Variants in EPM2A observed in about 807,000 individuals in gnomAD.
The protein encoded by EPM2A is laforin.
Under a neutral mutation model 26.5 loss-of-function variants are expected in EPM2A, and 21 were observed. That is an observed-to-expected ratio of 0.79 (90% CI 0.56 to 1.14). The LOEUF (loss-of-function observed/expected upper bound fraction) is 1.14, where lower values mean the gene tolerates loss of function less well. EPM2A is among the 50% of genes most tolerant of loss of function. The probability of loss-of-function intolerance (pLI) is 0.00; values close to 1 mark genes in which losing one functional copy is unlikely to be tolerated. For synonymous variants in EPM2A, 217 were observed against 177.6 expected, an observed-to-expected ratio of 1.22 and a Z score of -1.76; for missense variants, 458 against 440.8, an observed-to-expected ratio of 1.04 and a Z score of -0.35.
At chr6:145,674,116 C>A (rs1779850658) in intron 2 of EPM2A, among the ~76,000 whole-genome samples, 1 of 152,168 alleles carries the variant, frequency 6.6e-6, no homozygotes, top group African/African-American at 2.4e-5. Flanking sequence ...GCAATATTTG[C>A]TATTCTGCAG....
chr6:145,734,153 C>A (rs756764289), intron 1 of EPM2A, among the ~76,000 whole-genome samples: 2 of 152,184 alleles, frequency 1.3e-5, no homozygotes, highest in South Asian at 2.1e-4. Context: ...AAAGGAATTT[C>A]AATTAAGCCA....
intron 2 of EPM2A, among the ~76,000 whole-genome samples, chr6:145,597,932 C>T (rs374723601): frequency 6.6e-6 from 1 of 152,218 alleles, no homozygotes; most frequent in African/African-American, 2.4e-5. Context: ...GCATAGTATT[C>T]CGTGGTATGT....
At chr6:145,424,646 TGG>T (rs1778828906) in intron 4 of EPM2A, among the ~76,000 whole-genome samples, 3 of 152,282 alleles carry the variant, frequency 2.0e-5, no homozygotes, top group African/African-American at 7.2e-5. Flanking sequence ...CCCATTGGGA[TGG>T]TATTAGGAGG....
intron 4 of EPM2A, among the ~76,000 whole-genome samples, chr6:145,437,147 C>T (rs956514592): frequency 6.6e-6 from 1 of 152,018 alleles, no homozygotes; most frequent in Non-Finnish European, 1.5e-5. Flanking sequence ...CATATTTCCC[C>T]CATGCTATTC....
At chr6:145,435,409 TTA>T (rs3063952) in intron 4 of EPM2A, among the ~76,000 whole-genome samples, 7,805 of 126,402 alleles carry the variant, frequency 0.062, 242 homozygotes, top group South Asian at 0.094. Flanking sequence ...AGTGAAGAAT[TTA>T]TATATATATA....
rs76675612 is a variant in EPM2A at position 145,513,502 on chromosome 6, G to T, written c.341-10927C>A. On this transcript the variant is annotated intron_variant, in intron 2 of 3. Coordinates refer to the EPM2A transcript ENST00000450221. ...GAAAATATTATGGCGATATCTCAAAGAACTGAAAATAGAACTATTAGATCC... is the reference window on the plus strand; with the variant it reads ...GAAAATATTATGGCGATATCTCAAATAACTGAAAATAGAACTATTAGATCC... Among the ~76,000 whole-genome samples the T allele has an allele frequency of 2.4e-3, 366 of 152,286 alleles. 5 individuals carry two copies. In the East Asian group the frequency reaches 0.043, roughly 18 times the overall value.
rs538357310 is a variant in EPM2A at position 145,408,305 on chromosome 6, G to T, written c.556-24208C>A. On this transcript the variant is annotated intron_variant, in intron 4 of 4. Transcript: ENST00000638717. ...TGACCAGTAACAGCTGTACTACCCA[G>T]CACCCTTTCTCTTTGGCTTTGATTT... Among the ~76,000 whole-genome samples the T allele has an allele frequency of 4.6e-5, 7 of 152,216 alleles. No homozygotes were observed. The East Asian group carries it at 1.4e-3, about 29-fold the overall frequency.
intron 2 of EPM2A, among the ~76,000 whole-genome samples, chr6:145,604,934 G>A (rs1177800924): frequency 9.2e-5 from 14 of 152,070 alleles, no homozygotes; most frequent in Admixed American, 9.2e-4. Context: ...TAAGGTATGT[G>A]GATGGTTTGC....
chr6:145,661,714 C>T (rs888146268), intron 2 of EPM2A, among the ~76,000 whole-genome samples: 7 of 152,174 alleles, frequency 4.6e-5, no homozygotes, highest in African/African-American at 1.4e-4. Flanking sequence ...TTTTACTCTA[C>T]TTGATTTATC....
Position 145,627,629 on chromosome 6 carries a change from G to C in EPM2A, c.783C>G (p.Ile261Met), listed in dbSNP as rs375918261. The part of the protein sequence containing the change: ...LLHALLEKGH[I>M]VYVHCNAGVG... ...CCCCAGCGTTGCAGTGCACGTACAC[G>C]ATGTGTCCCTTCTCCAGCAGCGCAT... The change falls in exon 4 of 4, where the codon ATC becomes ATG. Residue 261 changes from isoleucine (I) to methionine (M), a missense_variant. Physicochemically the swap from Ile to Met is conservative, Grantham distance 10. Transcript: ENST00000367519. 1 of 1,614,034 alleles carries C rather than the reference G, an allele frequency of 6.2e-7. No homozygotes were observed. The highest frequency in any genetic ancestry group is 1.7e-5 in the Admixed American group (1 of 60,006).
At chr6:145,542,886 G>A (rs184452518) in intron 2 of EPM2A, among the ~76,000 whole-genome samples, 17 of 152,230 alleles carry the variant, frequency 1.1e-4, no homozygotes, top group Admixed American at 6.5e-4. Flanking sequence ...AGCCTCCCGC[G>A]TAGCTGGGAT....
In EPM2A at chr6:145,626,166, G is replaced by C; in HGVS notation, c.*1250C>G. 9.9e-7 allele frequency: 1 copy of C among 1,008,244 alleles called. No individual in the cohort carries two copies. Among genetic ancestry groups the C allele is most frequent in the African/African-American group, 1.7e-5 (1 of 57,874 alleles). 62.5% of individuals were successfully genotyped at this position (1,008,244 alleles called of 1,614,324 possible). On this transcript the variant is annotated 3_prime_UTR_variant, in exon 4 of 4. Coordinates refer to ENST00000367519, the MANE Select transcript of EPM2A (RefSeq NM_005670.4). ...CTTCTATTCTAGCATATCATTCATG[G>C]TCCAATCCTGCATTACAGTTGGTTG...
At chr6:145,409,745 A>G (rs907115983) in intron 4 of EPM2A, among the ~76,000 whole-genome samples, 4 of 152,160 alleles carry the variant, frequency 2.6e-5, no homozygotes, top group Admixed American at 6.6e-5. Flanking sequence ...GATTATTTAC[A>G]GGGGATCTCA....
intron 2 of EPM2A, among the ~76,000 whole-genome samples, chr6:145,517,331 CATT>C (rs957986146): frequency 6.6e-6 from 1 of 151,738 alleles, no homozygotes; most frequent in Admixed American, 6.6e-5. Context: ...GGGTAGATCT[CATT>C]ATGTGTTCTT....
chr6:145,401,497 C>T (rs1256547146), intron 4 of EPM2A, among the ~76,000 whole-genome samples: 1 of 152,080 alleles, frequency 6.6e-6, no homozygotes, highest in Admixed American at 6.6e-5. Flanking sequence ...GTGTCAGACA[C>T]AATGTTAATT....
chr6:145,626,228 G>A lies in EPM2A; in HGVS notation c.*1188C>T, dbSNP rs1775799725. 1 of 991,168 alleles carries A rather than the reference G, an allele frequency of 1.0e-6. No individual in the cohort carries two copies. Among genetic ancestry groups the A allele is most frequent in the Non-Finnish European group, 1.2e-6 (1 of 833,358 alleles). The allele number at this position is 991,168 out of a possible 1,614,324, so 61.4% of individuals were successfully genotyped here. On this transcript the variant is annotated 3_prime_UTR_variant, in exon 4 of 4. Transcript: ENST00000367519. ...GTTTCTAGGCAGCACATTTTTGAAGGCAAAGTTGTTCATCTCTGTATTTCC... is the reference window on the plus strand; with the variant it reads ...GTTTCTAGGCAGCACATTTTTGAAGACAAAGTTGTTCATCTCTGTATTTCC...
intron 1 of EPM2A, among the ~76,000 whole-genome samples, chr6:145,693,693 T>C (rs1197637232): frequency 6.6e-6 from 1 of 151,996 alleles, no homozygotes; most frequent in African/African-American, 2.4e-5. Context: ...AATTAAAAAA[T>C]AAATTTATCA....
upstream of EPM2A, chr6:145,735,556 G>C (rs953578603): frequency 1.8e-6 from 2 of 1,128,284 alleles, no homozygotes; most frequent in Non-Finnish European, 1.1e-6. Flanking sequence ...GGCAGGCGCG[G>C]CCCGAGCACT....
intron 4 of EPM2A, among the ~76,000 whole-genome samples, chr6:145,434,182 T>A (rs564434709): frequency 2.6e-5 from 4 of 152,118 alleles, no homozygotes. Context: ...TGTTAACTGT[T>A]GATCTTTTGA....
Sources: allele counts gnomAD v4.1 joint callset (sites outside exome capture counted in the v4.1 genomes callset), GRCh38; gene constraint gnomAD v4.1.1; transcripts MANE v1.5; gene names NCBI Gene and HGNC (gene_info 2026-07-23, HGNC 2026-07-21).